The following FRMD4A variants were observed in gnomAD, a reference collection of about 807,000 sequenced individuals.
FRMD4A encodes FERM domain containing 4A, also known as FERM domain-containing protein 4A.
In FRMD4A, 29 loss-of-function variants were observed where a neutral mutation model predicts 129.1. That is an observed-to-expected ratio of 0.22 (90% CI 0.17 to 0.31). The LOEUF is 0.31. Among genes scored for constraint, FRMD4A ranks in the 10% least tolerant of loss-of-function variants. FRMD4A has a pLI of 1.00. For missense variants in FRMD4A, 1,272 were observed against 1,375.8 expected (o/e 0.92, Z 1.19); for synonymous variants, 634 against 571.6 (o/e 1.11, Z -1.56).
chr10:13,941,377 A>T (rs543265563), intron 2 of FRMD4A, among the ~76,000 whole-genome samples: 17 of 152,328 alleles, frequency 1.1e-4, no homozygotes, highest in Admixed American at 1.0e-3. Flanking sequence ...ACTATGATCC[A>T]TTAAACTTCT....
At chr10:14,032,873 T>C (rs1833312671) in intron 2 of FRMD4A, among the ~76,000 whole-genome samples, 1 of 152,202 alleles carries the variant, frequency 6.6e-6, no homozygotes, top group Non-Finnish European at 1.5e-5. Context: ...TGGGAAATCA[T>C]GCACAGTCTG....
intron 2 of FRMD4A, among the ~76,000 whole-genome samples, chr10:14,223,403 G>C (rs926530208): frequency 6.6e-6 from 1 of 152,138 alleles, no homozygotes; most frequent in Non-Finnish European, 1.5e-5. Context: ...AGACTACACT[G>C]CCGTTGGCTC....
chr10:14,272,349 C>A (rs1367343651), intron 2 of FRMD4A, among the ~76,000 whole-genome samples: 3 of 152,144 alleles, frequency 2.0e-5, no homozygotes, highest in East Asian at 1.9e-4. Context: ...CCAGAGGAGA[C>A]CAGGTAGTCC....
intron 3 of FRMD4A, among the ~76,000 whole-genome samples, chr10:13,846,177 TATA>T (rs2094042581): frequency 6.6e-6 from 1 of 152,246 alleles, no homozygotes; most frequent in African/African-American, 2.4e-5. Context: ...CACTAAGCTA[TATA>T]ATTTCCCAAA....
At chr10:13,874,282 A>G (rs930727023) in intron 2 of FRMD4A, among the ~76,000 whole-genome samples, 2 of 151,182 alleles carry the variant, frequency 1.3e-5, no homozygotes, top group Admixed American at 1.3e-4. Flanking sequence ...GAATTGCTGA[A>G]CAATTCAGCT....
At chr10:13,777,851 T>G (rs1490094911) in intron 6 of FRMD4A, among the ~76,000 whole-genome samples, 1 of 133,654 alleles carries the variant, frequency 7.5e-6, no homozygotes, top group Non-Finnish European at 1.5e-5. Flanking sequence ...CAGGCTGGAG[T>G]GCAATGGTGC....
intron 2 of FRMD4A, among the ~76,000 whole-genome samples, chr10:14,223,876 T>A (rs916821968): frequency 6.6e-6 from 1 of 151,910 alleles, no homozygotes; most frequent in South Asian, 2.1e-4. Flanking sequence ...CTGCAACCCA[T>A]GGGCACCTGT....
chr10:13,848,243 A>G (rs1005811290), intron 3 of FRMD4A, among the ~76,000 whole-genome samples: 1 of 152,160 alleles, frequency 6.6e-6, no homozygotes, highest in Non-Finnish European at 1.5e-5. Context: ...TCACGGAAAA[A>G]ATAACTCAGT....
At chr10:13,907,928 G>A (rs1333265572) in intron 2 of FRMD4A, among the ~76,000 whole-genome samples, 1 of 151,054 alleles carries the variant, frequency 6.6e-6, no homozygotes, top group Non-Finnish European at 1.5e-5. Flanking sequence ...CACTTTGGGA[G>A]GCCGAGGCAG....
chr10:14,259,820 G>C (rs575305741), intron 2 of FRMD4A, among the ~76,000 whole-genome samples: 35 of 151,204 alleles, frequency 2.3e-4, no homozygotes, highest in African/African-American at 8.4e-4. Context: ...TCTTTGCCAT[G>C]GCTGTTAGGA....
At chr10:14,187,433 A>G (rs1842182951) in intron 2 of FRMD4A, among the ~76,000 whole-genome samples, 1 of 152,186 alleles carries the variant, frequency 6.6e-6, no homozygotes, top group East Asian at 1.9e-4. Context: ...TGTTGGCTAT[A>G]TATGTCCTTT....
At chr10:13,887,632 G>C (rs1429410718) in intron 2 of FRMD4A, among the ~76,000 whole-genome samples, 1 of 152,190 alleles carries the variant, frequency 6.6e-6, no homozygotes, top group Non-Finnish European at 1.5e-5. Flanking sequence ...CTGCACTCCA[G>C]CCTGGTGACA....
At chr10:13,930,159 G>C (rs962362410) in intron 2 of FRMD4A, among the ~76,000 whole-genome samples, 1 of 152,158 alleles carries the variant, frequency 6.6e-6, no homozygotes, top group Non-Finnish European at 1.5e-5. Context: ...CTCATGCAGA[G>C]AACTATGTAT....
Position 13,666,261 on chromosome 10 carries a change from C to T in FRMD4A, c.1439G>A (p.Arg480His), listed in dbSNP as rs752187173. 11 of 1,614,034 alleles carry T rather than the reference C, an allele frequency of 6.8e-6. No homozygotes were observed. Among genetic ancestry groups the T allele is most frequent in the South Asian group, 1.1e-5 (1 of 91,086 alleles). ...GACGTTGGGGTCACTGGCTAGGCGG[C>T]GGGCGGCCTCCGTAATCTGGGACTG... is the stretch of plus-strand genomic sequence containing the variant. ...AIQSQITEAA[R>H]RLASDPNVSK... The change falls in exon 18 of 25, where the codon CGC becomes CAC. Residue 480 changes from arginine to histidine, a missense_variant. Physicochemically the swap from Arg to His is conservative, Grantham distance 29. This residue lies in a region of FRMD4A where 972 missense variants were observed against 892.3 expected (regional missense o/e 1.09). Transcript: ENST00000357447.
At chr10:13,830,821 G>A (rs1040617004) in intron 3 of FRMD4A, among the ~76,000 whole-genome samples, 2 of 152,062 alleles carry the variant, frequency 1.3e-5, no homozygotes, top group Non-Finnish European at 1.5e-5. Flanking sequence ...ACAGAGTCTC[G>A]CTCTGTCACC....
intron 2 of FRMD4A, among the ~76,000 whole-genome samples, chr10:13,925,881 CTCTTTT>C (rs2095128563): frequency 2.4e-5 from 2 of 82,706 alleles, no homozygotes; most frequent in Non-Finnish European, 4.5e-5. Context: ...CTGCACCTGG[CTCTTTT>C]TTTTTTTTTT....
At chr10:14,027,395 C>G (rs1239225340) in intron 2 of FRMD4A, among the ~76,000 whole-genome samples, 1 of 152,184 alleles carries the variant, frequency 6.6e-6, no homozygotes, top group African/African-American at 2.4e-5. Context: ...AATCCCAGCA[C>G]TTTGGGAGGC....
intron 2 of FRMD4A, among the ~76,000 whole-genome samples, chr10:14,047,592 T>C (rs2131681635): frequency 6.6e-6 from 1 of 152,334 alleles, no homozygotes; most frequent in African/African-American, 2.4e-5. Flanking sequence ...TCTCTCCTCC[T>C]CCTGTTCCCA....
chr10:14,170,885 G>A (rs1397477407), intron 2 of FRMD4A, among the ~76,000 whole-genome samples: 1 of 151,104 alleles, frequency 6.6e-6, no homozygotes, highest in Non-Finnish European at 1.5e-5. Context: ...TGATGCCACA[G>A]TTTCTTCAGA....
Sources: gnomAD v4.1 joint callset for allele counts (sites outside exome capture counted in the v4.1 genomes callset) on GRCh38, gnomAD v4.1.1 for gene constraint, gnomAD v4.1.1 regional missense constraint, MANE v1.5 for transcripts, NCBI Gene and HGNC (gene_info 2026-07-23, HGNC 2026-07-21) for gene names.